RAB38: variants seen among roughly 807,000 people sequenced by gnomAD.
RAB38 encodes ras-related protein Rab-38.
A neutral mutation model predicts 18.4 loss-of-function variants in RAB38; 15 were observed. That is an observed-to-expected ratio of 0.82 (90% CI 0.55 to 1.26). The LOEUF (loss-of-function observed/expected upper bound fraction) is 1.26, where lower values mean the gene tolerates loss of function less well. Among genes scored for constraint, RAB38 ranks in the 50% most tolerant of loss-of-function variants. The pLI is 0.00. For missense variants in RAB38, 294 were observed against 267.4 expected (o/e 1.10, Z -0.69); for synonymous variants, 101 against 104.4 (o/e 0.97, Z 0.20).
At chr11:87,841,306 G>A in the RAB38 span, among the ~76,000 whole-genome samples, 34 of 152,018 alleles carry the variant, frequency 2.2e-4, no homozygotes, top group African/African-American at 6.5e-4. Flanking sequence ...GAGCTTTCAC[G>A]AGATCTGATG....
chr11:87,841,600 T>C, the RAB38 span, among the ~76,000 whole-genome samples: 2,125 of 152,316 alleles, frequency 0.014, 44 homozygotes, highest in African/African-American at 0.049. Context: ...ATTTTCTTAA[T>C]GAATTTTTCT....
the RAB38 span, chr11:87,879,832 A>G: frequency 2.6e-5 from 4 of 151,836 alleles, no homozygotes; most frequent in South Asian, 8.3e-4. Context: ...ATCTCCTCAC[A>G]TTGTAAAGAA....
At chr11:87,954,834 C>A in the RAB38 span, among the ~76,000 whole-genome samples, 1 of 152,158 alleles carries the variant, frequency 6.6e-6, no homozygotes, top group Admixed American at 6.5e-5. Context: ...AAGACTCACC[C>A]TTTCATCTGG....
At chr11:88,143,575 C>A (rs551496205) in intron 2 of RAB38, among the ~76,000 whole-genome samples, 2 of 152,142 alleles carry the variant, frequency 1.3e-5, no homozygotes, top group Non-Finnish European at 2.9e-5. Context: ...AGAAGTAGAA[C>A]CTACAGAAGA....
At chr11:87,838,495 T>C in the RAB38 span, among the ~76,000 whole-genome samples, 1 of 152,186 alleles carries the variant, frequency 6.6e-6, no homozygotes, top group Non-Finnish European at 1.5e-5. Context: ...AACTAATGAG[T>C]TCAGTCTTTC....
At chr11:88,114,925 C>T (rs1366551462) in intron 2 of RAB38, among the ~76,000 whole-genome samples, 2 of 152,118 alleles carry the variant, frequency 1.3e-5, no homozygotes, top group Non-Finnish European at 2.9e-5. Flanking sequence ...TAAACCCTGG[C>T]ATTATCTAGA....
At chr11:87,852,547 C>T in the RAB38 span, among the ~76,000 whole-genome samples, 1 of 151,772 alleles carries the variant, frequency 6.6e-6, no homozygotes. Flanking sequence ...AGTAAAAGGC[C>T]CCGAATTGAG....
the RAB38 span, among the ~76,000 whole-genome samples, chr11:88,020,714 A>C: frequency 6.6e-6 from 1 of 152,218 alleles, no homozygotes; most frequent in Admixed American, 6.5e-5. Flanking sequence ...CAAATGTGTT[A>C]AAACATTAAA....
At chr11:88,026,488 G>C in the RAB38 span, among the ~76,000 whole-genome samples, 1 of 148,860 alleles carries the variant, frequency 6.7e-6, no homozygotes, top group African/African-American at 2.5e-5. Flanking sequence ...GTGTGAACCC[G>C]GGAGGCGGAG....
At chr11:87,918,941 A>C in the RAB38 span, among the ~76,000 whole-genome samples, 1 of 142,826 alleles carries the variant, frequency 7.0e-6, no homozygotes, top group South Asian at 2.2e-4. Flanking sequence ...AAAAAAAAAA[A>C]CATCATTGCC....
the RAB38 span, among the ~76,000 whole-genome samples, chr11:88,009,879 G>C: frequency 2.0e-5 from 3 of 151,980 alleles, no homozygotes; most frequent in Non-Finnish European, 4.4e-5. Context: ...TAAGTATCTT[G>C]GATTTCAGAT....
At chr11:87,823,608 C>T in the RAB38 span, among the ~76,000 whole-genome samples, 1 of 152,044 alleles carries the variant, frequency 6.6e-6, no homozygotes, top group Non-Finnish European at 1.5e-5. Flanking sequence ...AGAAATATAT[C>T]CACATGTCAA....
intron 2 of RAB38, among the ~76,000 whole-genome samples, chr11:88,118,204 TGCAAGGTA>T (rs1942582943): frequency 6.6e-6 from 1 of 152,250 alleles, no homozygotes; most frequent in Non-Finnish European, 1.5e-5. Context: ...GGTTCCAGCA[TGCAAGGTA>T]GGAGCATGCA....
chr11:87,976,278 A>ATG, the RAB38 span, among the ~76,000 whole-genome samples: 1 of 143,886 alleles, frequency 6.9e-6, no homozygotes, highest in African/African-American at 2.5e-5. Flanking sequence ...AGGTGTGTGT[A>ATG]TATATATATA....
At chr11:88,092,090 T>C in the RAB38 span, among the ~76,000 whole-genome samples, 2 of 151,748 alleles carry the variant, frequency 1.3e-5, no homozygotes, top group East Asian at 3.9e-4. Context: ...CAGTGATCAA[T>C]GAGGGGAGGT....
At chr11:87,834,109 A>T in the RAB38 span, among the ~76,000 whole-genome samples, 1 of 152,210 alleles carries the variant, frequency 6.6e-6, no homozygotes, top group Non-Finnish European at 1.5e-5. Flanking sequence ...CATATGGTCC[A>T]TTTGGACCGT....
chr11:88,170,182 G>A (rs1943292591), intron 1 of RAB38, among the ~76,000 whole-genome samples: 1 of 152,056 alleles, frequency 6.6e-6, no homozygotes, highest in Admixed American at 6.5e-5. Flanking sequence ...CACCATTTTT[G>A]CTCACTGTAC....
chr11:87,814,878 C>T, the RAB38 span, among the ~76,000 whole-genome samples: 2 of 152,110 alleles, frequency 1.3e-5, no homozygotes, highest in African/African-American at 2.4e-5. Flanking sequence ...GGACTACAGG[C>T]ACCCACCACA....
the RAB38 span, among the ~76,000 whole-genome samples, chr11:87,971,180 G>A: frequency 6.6e-6 from 1 of 152,048 alleles, no homozygotes; most frequent in African/African-American, 2.4e-5. Flanking sequence ...CTATTGAAAA[G>A]CAATAAGGGA....
Sources: gnomAD v4.1 joint callset for allele counts (sites outside exome capture counted in the v4.1 genomes callset) on GRCh38, gnomAD v4.1.1 for gene constraint, MANE v1.5 for transcripts, NCBI Gene and HGNC (gene_info 2026-07-23, HGNC 2026-07-21) for gene names.